The following PLEKHH1 variants were observed in gnomAD, a reference collection of about 807,000 sequenced individuals.
PLEKHH1 encodes the protein pleckstrin homology domain-containing family H member 1.
A neutral mutation model predicts 160.0 loss-of-function variants in PLEKHH1; 104 were observed. That is an observed-to-expected ratio of 0.65 (90% CI 0.55 to 0.76). The LOEUF is 0.76. PLEKHH1 is among the 30% of genes least tolerant of loss of function. The probability of loss-of-function intolerance (pLI) is 0.00; values close to 1 mark genes in which losing one functional copy is unlikely to be tolerated. For synonymous variants in PLEKHH1, 619 were observed against 678.4 expected (o/e 0.91, Z 1.36); for missense variants, 1,427 against 1,724.1 (o/e 0.83, Z 3.05).
rs748296559 is a variant in PLEKHH1, at chr14:67,587,350, G to A, written c.*115G>A. The A allele has an allele frequency of 3.4e-6, 4 of 1,180,042 alleles. No homozygotes were observed. In the South Asian group the frequency reaches 5.0e-5, roughly 15 times the overall value. 73.1% of individuals were successfully genotyped at this position (1,180,042 alleles called of 1,614,324 possible). ...AACAGCCCCCGGCTACTCTTGTTCT[G>A]TGAAATGTGTATTTTAGTCTCTGTG... On this transcript the variant is annotated 3_prime_UTR_variant, in exon 29 of 29. Transcript: ENST00000329153.
rs2140348085 is a variant in PLEKHH1, at chr14:67,546,952, T to C, written c.126+4959T>C. 2.0e-5 allele frequency among the ~76,000 whole-genome samples: 3 copies of C among 152,212 alleles called. 1 individual carries two copies. In the Middle Eastern group the frequency reaches 0.01, roughly 518 times the overall value. ...TTTTAGAGTGTGCCTGTCTACCCTA[T>C]TCCTCAGGGGCCAACAGAGTGACTG... On this transcript the variant is annotated intron_variant, in intron 2 of 28. Transcript: ENST00000329153.
At chr14:67,541,783 C>G in intron 1 of PLEKHH1, 51 bp from the exon 2 acceptor site, 1 of 1,294,200 alleles carries the variant, frequency 7.7e-7, no homozygotes, top group Non-Finnish European at 1.0e-6. Flanking sequence ...CCACAGAACT[C>G]TTCCTCACAC....
At chr14:67,567,518 C>G (rs2035160644) in intron 7 of PLEKHH1, among the ~76,000 whole-genome samples, 1 of 151,948 alleles carries the variant, frequency 6.6e-6, no homozygotes, top group African/African-American at 2.4e-5. Flanking sequence ...CCGAATTTTA[C>G]TTGGGCTCGA....
chr14:67,539,261 C>T (rs556247021), intron 1 of PLEKHH1, among the ~76,000 whole-genome samples: 1 of 152,278 alleles, frequency 6.6e-6, no homozygotes, highest in African/African-American at 2.4e-5. Context: ...GATCTTAGCT[C>T]AGAGAAGGTC....
At chr14:67,572,009 C>A in intron 10 of PLEKHH1, 107 bp downstream of exon 10, 1 of 1,483,294 alleles carries the variant, frequency 6.7e-7, no homozygotes. Context: ...CTCGTGACCC[C>A]CCAGCAGCTC....
intron 8 of PLEKHH1, 24 bp from the exon 9 acceptor site, chr14:67,569,897 C>G: frequency 6.6e-7 from 1 of 1,505,846 alleles, no homozygotes; most frequent in Non-Finnish European, 9.2e-7. Context: ...CTTGAGTAAT[C>G]TCATTCCTCT....
At chr14:67,552,773 A>AAC in intron 2 of PLEKHH1, among the ~76,000 whole-genome samples, 1 of 151,408 alleles carries the variant, frequency 6.6e-6, no homozygotes, top group East Asian at 1.9e-4. Context: ...TCTCAAAAAA[A>AAC]AAAAACAAAA....
intron 1 of PLEKHH1, among the ~76,000 whole-genome samples, chr14:67,541,262 C>T (rs1291545745): frequency 6.6e-6 from 1 of 152,172 alleles, no homozygotes; most frequent in Non-Finnish European, 1.5e-5. Context: ...GGTTCTGCCT[C>T]TAATTAGCTA....
At position 67,581,046 on chromosome 14, in the gene PLEKHH1, G is replaced by A; in HGVS notation, c.3284+8G>A. 6.3e-7 allele frequency: 1 copy of A among 1,579,588 alleles called. No individual in the cohort carries two copies. Among genetic ancestry groups the A allele is most frequent in the Middle Eastern group, 1.7e-4 (1 of 5,998 alleles). ...GCTGATGTACAAGAACAGGTCCTAAGCACTGCACGAGGGTGGGGCCAAACA... is the reference window on the plus strand; with the variant it reads ...GCTGATGTACAAGAACAGGTCCTAAACACTGCACGAGGGTGGGGCCAAACA... On this transcript the variant is annotated splice_region_variant and intron_variant, in intron 23 of 28. Transcript: ENST00000329153.
chr14:67,573,595 A>C lies in PLEKHH1; in HGVS notation c.1840-206A>C, dbSNP rs1174047713. ...CCGTGAGTTTCAGAATGAAATAGGG[A>C]GGTTCTCAGAAGGACCCATGTTCCT... On this transcript the variant is annotated intron_variant, in intron 12 of 28. Coordinates refer to ENST00000329153, the MANE Select transcript of PLEKHH1 (RefSeq NM_020715.3). This position sits in a 1 kb window ranked among gnomAD's most constrained non-coding sequence, Gnocchi z 4.8. Among the ~76,000 whole-genome samples the C allele has an allele frequency of 6.6e-6, 1 of 152,202 alleles. No individual in the cohort carries two copies. Among genetic ancestry groups the C allele is most frequent in the Non-Finnish European group, 1.5e-5 (1 of 68,028 alleles).
chr14:67,587,850 A>G lies in PLEKHH1; in HGVS notation c.*615A>G, dbSNP rs866780585. ...GGCATGAGCCATCGCCCAGCCCAGA[A>G]GCTAATTTTTTAATATTGTATATGG... On this transcript the variant is annotated 3_prime_UTR_variant, in exon 29 of 29. Coordinates refer to ENST00000329153, the MANE Select transcript of PLEKHH1 (RefSeq NM_020715.3). 5.2e-5 allele frequency: 8 copies of G among 154,496 alleles called. No individual in the cohort carries two copies. Among genetic ancestry groups the G allele is most frequent in the African/African-American group, 1.7e-4 (7 of 41,456 alleles). 9.6% of individuals were successfully genotyped at this position (154,496 alleles called of 1,614,324 possible).
intron 7 of PLEKHH1, among the ~76,000 whole-genome samples, chr14:67,564,540 C>A (rs2034994568): frequency 6.6e-6 from 1 of 152,138 alleles, no homozygotes; most frequent in Non-Finnish European, 1.5e-5. Context: ...TCACTGCAAC[C>A]TCTGCCTCCT....
chr14:67,555,705 G>C lies in PLEKHH1; in HGVS notation c.127-120G>C. The stretch of plus-strand genomic sequence containing the variant: ...ACCCTGACACTCTCGAGCCACTTGA[G>C]ATGGGCACTTGAAGTCTGGCCTGTG... On this transcript the variant is annotated intron_variant, in intron 2 of 28. Transcript: ENST00000329153. 5 of 1,434,686 alleles carry C rather than the reference G, an allele frequency of 3.5e-6. 1 individual carries two copies. The highest frequency in any genetic ancestry group is 4.7e-6 in the Non-Finnish European group (5 of 1,055,502). 88.9% of individuals were successfully genotyped at this position (1,434,686 alleles called of 1,614,324 possible). A position where few individuals can be genotyped will look rare whatever the true frequency, so the allele number is the denominator to read the frequency against.
At chr14:67,535,655 C>G (rs1253244546) in intron 1 of PLEKHH1, among the ~76,000 whole-genome samples, 1 of 152,128 alleles carries the variant, frequency 6.6e-6, no homozygotes, top group Admixed American at 6.5e-5. Context: ...GCTGGGATTA[C>G]AGGCTTGAGC....
chr14:67,541,506 A>G (rs115713178), intron 1 of PLEKHH1, among the ~76,000 whole-genome samples: 1,622 of 152,348 alleles, frequency 0.011, 30 homozygotes, highest in African/African-American at 0.037. Context: ...TGTTTAATGG[A>G]TAAGTTTGTT....
intron 4 of PLEKHH1, among the ~76,000 whole-genome samples, chr14:67,559,244 A>G (rs2034721907): frequency 6.6e-6 from 1 of 152,214 alleles, no homozygotes; most frequent in Non-Finnish European, 1.5e-5. Flanking sequence ...ATAGTTAAAA[A>G]TAAAAAAACG....
At chr14:67,547,781 A>G (rs2034239128) in intron 2 of PLEKHH1, among the ~76,000 whole-genome samples, 1 of 151,804 alleles carries the variant, frequency 6.6e-6, no homozygotes, top group African/African-American at 2.4e-5. Context: ...CCCTCGTACA[A>G]AATTGTCATT....
chr14:67,562,076 T>A lies in PLEKHH1; in HGVS notation c.505+41T>A, dbSNP rs1434898738. 1 of 1,607,528 alleles carries A rather than the reference T, an allele frequency of 6.2e-7. No individual in the cohort carries two copies. Among genetic ancestry groups the A allele is most frequent in the South Asian group, 1.1e-5 (1 of 90,814 alleles). On this transcript the variant is annotated intron_variant, in intron 6 of 28. Transcript: ENST00000329153. ...TGTGCAGGTGTGCAGTACGTGTGTT[T>A]GGTGGGTATGGGGCTGAGCTACGGG...
Position 67,582,579 on chromosome 14 carries a change from G to A in PLEKHH1, c.3426+369G>A, listed in dbSNP as rs34375253. ...CATGCCTGTAATGTCAGCACTTTGC[G>A]AGGCCGAGGCGGGCAGATCACCTGA... is the stretch of plus-strand genomic sequence containing the variant. On this transcript the variant is annotated intron_variant, in intron 24 of 28. Transcript: ENST00000329153. The surrounding 1 kb of genome is among the most constrained non-coding windows in gnomAD (Gnocchi z 5.0). Among the ~76,000 whole-genome samples, 1 of 151,912 alleles carries A rather than the reference G, an allele frequency of 6.6e-6. No individual in the cohort carries two copies. Among genetic ancestry groups the A allele is most frequent in the Admixed American group, 6.6e-5 (1 of 15,262 alleles).
Sources: allele counts gnomAD v4.1 joint callset (sites outside exome capture counted in the v4.1 genomes callset), GRCh38; gene constraint gnomAD v4.1.1; non-coding constraint Gnocchi (gnomAD v3.1); transcripts MANE v1.5; gene names NCBI Gene and HGNC (gene_info 2026-07-23, HGNC 2026-07-21).